Variants in ZBTB40 observed in about 807,000 individuals in gnomAD.
The protein encoded by ZBTB40 is zinc finger and BTB domain containing 40, also known as zinc finger and BTB domain-containing protein 40.
Under a neutral mutation model 117.5 loss-of-function variants are expected in ZBTB40, and 60 were observed. The ratio of observed to expected loss-of-function variants is 0.51; its 90% CI spans 0.41 to 0.63. The LOEUF is 0.63. Ranked by LOEUF, ZBTB40 falls within the 30% of genes least tolerant of loss-of-function variation. The pLI is 0.00. For missense variants in ZBTB40, 1,287 were observed against 1,498.5 expected, an observed-to-expected ratio of 0.86 and a Z score of 2.33; for synonymous variants, 525 against 577.1, an observed-to-expected ratio of 0.91 and a Z score of 1.29.
intron 1 of ZBTB40, among the ~76,000 whole-genome samples, chr1:22,442,427 TG>T (rs1043113504): frequency 6.6e-6 from 1 of 152,122 alleles, no homozygotes; most frequent in Non-Finnish European, 1.5e-5. Context: ...AGAGAGACCC[TG>T]GGGTTGTTTG....
chr1:22,474,954 A>C (rs1641520067), intron 1 of ZBTB40, among the ~76,000 whole-genome samples: 2 of 151,680 alleles, frequency 1.3e-5, no homozygotes, highest in Non-Finnish European at 2.9e-5. Flanking sequence ...AAAAAAAAAA[A>C]AAACAGGTAA....
At chr1:22,471,278 G>A (rs1433528677) in intron 1 of ZBTB40, among the ~76,000 whole-genome samples, 1 of 152,172 alleles carries the variant, frequency 6.6e-6, no homozygotes, top group Non-Finnish European at 1.5e-5. Context: ...AAAACAAGGA[G>A]CCTCAAATGC....
At chr1:22,499,855 T>C (rs557433430) in intron 3 of ZBTB40, among the ~76,000 whole-genome samples, 1 of 152,360 alleles carries the variant, frequency 6.6e-6, no homozygotes, top group East Asian at 1.9e-4. Context: ...ATATACTTAC[T>C]ACCAGAATTT....
chr1:22,490,887 T>C (rs1196903410), intron 2 of ZBTB40, among the ~76,000 whole-genome samples: 1 of 152,140 alleles, frequency 6.6e-6, no homozygotes, highest in Non-Finnish European at 1.5e-5. Flanking sequence ...ATTATCTGTT[T>C]CGTTTTGTTT....
intron 1 of ZBTB40, among the ~76,000 whole-genome samples, chr1:22,462,886 A>T (rs1021162517): frequency 2.6e-5 from 4 of 152,218 alleles, no homozygotes; most frequent in African/African-American, 7.2e-5. Flanking sequence ...GACATTTGAC[A>T]TATATAGAAG....
intron 1 of ZBTB40, among the ~76,000 whole-genome samples, chr1:22,489,258 C>A (rs772486131): frequency 6.6e-6 from 1 of 152,042 alleles, no homozygotes; most frequent in Non-Finnish European, 1.5e-5. Flanking sequence ...AGGTAAGAGG[C>A]GGGATGACTG....
In ZBTB40 at chr1:22,506,155, T is replaced by G; in HGVS notation, c.1274T>G (p.Leu425Arg). The G allele has an allele frequency of 6.2e-7, 1 of 1,614,134 alleles. No individual in the cohort carries two copies. Among genetic ancestry groups the G allele is most frequent in the Non-Finnish European group, 8.5e-7 (1 of 1,180,008 alleles). Residue 425 changes from leucine (L) to arginine (R), a missense_variant, in exon 6 of 18, where the codon CTC (leucine) becomes CGC (arginine). This residue lies in a region of ZBTB40 where 870 missense variants were observed against 934.4 expected (regional missense o/e 0.93). Coordinates refer to ENST00000375647, the MANE Select transcript of ZBTB40 (RefSeq NM_014870.4). ...CTGACTGCTGAGGGTTTGGTAAAAC[T>G]CCTCCAGGCTGTGAAGACGACTTTC... Reference protein sequence around the residue: ...KTLTAEGLVKLLQAVKTTFPN... With the variant: ...KTLTAEGLVKRLQAVKTTFPN...
intron 1 of ZBTB40, among the ~76,000 whole-genome samples, chr1:22,436,474 T>C (rs1332791565): frequency 6.6e-6 from 1 of 152,076 alleles, no homozygotes; most frequent in Non-Finnish European, 1.5e-5. Context: ...ATGGTGCCAT[T>C]GCACTCCAGC....
At chr1:22,514,113 C>T (rs1353587051) in intron 12 of ZBTB40, among the ~76,000 whole-genome samples, 1 of 151,974 alleles carries the variant, frequency 6.6e-6, no homozygotes, top group Non-Finnish European at 1.5e-5. Context: ...ATAACACCAG[C>T]GTGATGAGGA....
chr1:22,521,681 A>G (rs767121193), intron 15 of ZBTB40, 23 bp downstream of exon 15: 1 of 1,614,238 alleles, frequency 6.2e-7, no homozygotes, highest in Non-Finnish European at 8.5e-7. Context: ...TACCGCCGGC[A>G]GAGAGCGGGA....
chr1:22,450,095 C>T (rs746762886), upstream of ZBTB40, among the ~76,000 whole-genome samples: 2 of 152,150 alleles, frequency 1.3e-5, no homozygotes, highest in African/African-American at 2.4e-5. Context: ...AGGCACCTGC[C>T]ACCATGCCCA....
chr1:22,432,135 T>TA (rs1640599610), intron 1 of ZBTB40, among the ~76,000 whole-genome samples: 1 of 152,150 alleles, frequency 6.6e-6, no homozygotes, highest in Admixed American at 6.5e-5. Context: ...ATGTGGAGGG[T>TA]ACTGAGGGAA....
chr1:22,468,465 C>CTTTTTTT lies in ZBTB40; in HGVS notation c.-70+16482_-70+16488dup, dbSNP rs555995462. On this transcript the variant is annotated intron_variant, in intron 1 of 17. Coordinates refer to ENST00000375647, the MANE Select transcript of ZBTB40 (RefSeq NM_014870.4). ...TTAAAATTTAAAATGTTAATGTTTCCTTTTTTTTTTTTTTTTTTTTTTTTT... is the reference window on the plus strand; with the variant it reads ...TTAAAATTTAAAATGTTAATGTTTCCTTTTTTTTTTTTTTTTTTTTTTTTTTTTTTTT... Among the ~76,000 whole-genome samples the CTTTTTTT allele has an allele frequency of 2.1e-4, 11 of 51,722 alleles. 2 individuals carry two copies. Among genetic ancestry groups the CTTTTTTT allele is most frequent in the African/African-American group, 2.4e-4 (2 of 8,448 alleles). The allele number at this position is 51,722 out of a possible 152,430, so 33.9% of individuals were successfully genotyped here.
At chr1:22,522,994 C>A (rs1372307837) in intron 16 of ZBTB40, among the ~76,000 whole-genome samples, 2 of 136,778 alleles carry the variant, frequency 1.5e-5, no homozygotes, top group Admixed American at 1.6e-4. Context: ...GTCACCCAGG[C>A]TGGAGTGCAG....
At chr1:22,442,859 C>T (rs149203630) in intron 1 of ZBTB40, among the ~76,000 whole-genome samples, 1 of 152,266 alleles carries the variant, frequency 6.6e-6, no homozygotes, top group East Asian at 1.9e-4. Flanking sequence ...TATTGAAGAA[C>T]TATATCATTC....
chr1:22,508,593 G>A lies in ZBTB40; in HGVS notation c.1561G>A (p.Val521Ile). 1.2e-6 allele frequency: 2 copies of A among 1,614,192 alleles called. No individual in the cohort carries two copies. Among genetic ancestry groups the A allele is most frequent in the Non-Finnish European group, 1.7e-6 (2 of 1,180,030 alleles). Residue 521 changes from valine (V) to isoleucine (I), a missense_variant, in exon 8 of 18, where the codon GTT (valine) becomes ATT (isoleucine). By Grantham distance (29) the Val-to-Ile change is conservative (BLOSUM62 3). Transcript: ENST00000375647. ...TGGTTTCAATTCTCTGATATCAGCA[G>A]TTCTAGAAAAGCAGACTCTCTCTGC... Reference protein sequence around the residue: ...SGGFNSLISAVLEKQTLSATA... With the variant: ...SGGFNSLISAILEKQTLSATA...
At chr1:22,446,466 C>A (rs1640791214) in intron 1 of ZBTB40, among the ~76,000 whole-genome samples, 6 of 151,970 alleles carry the variant, frequency 3.9e-5, no homozygotes, top group Admixed American at 3.9e-4. Context: ...CTCTACCTAA[C>A]CATATCATTT....
At chr1:22,493,769 C>T (rs985813848) in intron 3 of ZBTB40, among the ~76,000 whole-genome samples, 6 of 148,476 alleles carry the variant, frequency 4.0e-5, no homozygotes, top group East Asian at 1.9e-4. Flanking sequence ...TTTCATTGAG[C>T]GTAAGTATCT....
rs148026819 is a variant in ZBTB40, at chr1:22,521,252, A to T, written c.3049-244A>T. 4.8e-4 allele frequency among the ~76,000 whole-genome samples: 73 copies of T among 152,308 alleles called. 2 individuals carry two copies. The East Asian group carries it at 0.013, about 27-fold the overall frequency. On this transcript the variant is annotated intron_variant, in intron 14 of 17. Transcript: ENST00000375647. ...CCTCCCTCATAGGCTTGTTGTAAGGAATGGGCATGTGAAGGACTCCTGGGA... is the reference window on the plus strand; with the variant it reads ...CCTCCCTCATAGGCTTGTTGTAAGGTATGGGCATGTGAAGGACTCCTGGGA...
Sources: gnomAD v4.1 joint callset for allele counts (sites outside exome capture counted in the v4.1 genomes callset) on GRCh38, gnomAD v4.1.1 for gene constraint, gnomAD v4.1.1 regional missense constraint, MANE v1.5 for transcripts, NCBI Gene and HGNC (gene_info 2026-07-23, HGNC 2026-07-21) for gene names.